SRBD1: variants seen among roughly 807,000 people sequenced by gnomAD.
SRBD1 encodes the protein S1 RNA binding domain 1, also known as S1 RNA-binding domain-containing protein 1.
A neutral mutation model predicts 115.3 loss-of-function variants in SRBD1; 88 were observed. The ratio of observed to expected loss-of-function variants is 0.76; its 90% CI spans 0.64 to 0.91. SRBD1 has a LOEUF of 0.91. SRBD1 is among the 40% of genes least tolerant of loss of function. The pLI, the probability that SRBD1 is intolerant of heterozygous loss-of-function variation, is 0.00. For missense variants in SRBD1, 1,385 were observed against 1,177.4 expected (o/e 1.18, Z -2.58); for synonymous variants, 509 against 407.7 (o/e 1.25, Z -2.99).
intron 7 of SRBD1, among the ~76,000 whole-genome samples, chr2:45,576,854 C>T (rs1480022587): frequency 6.6e-5 from 10 of 152,148 alleles, no homozygotes; most frequent in African/African-American, 2.4e-4. Context: ...AAATTATAGA[C>T]TTTGCAATAA....
intron 2 of SRBD1, among the ~76,000 whole-genome samples, chr2:45,604,197 G>A (rs1046853826): frequency 2.6e-5 from 4 of 151,784 alleles, no homozygotes; most frequent in Admixed American, 2.0e-4. Flanking sequence ...CAAGAAACCA[G>A]AATATTTTAC....
chr2:45,503,518 G>C (rs1306659708), intron 14 of SRBD1, among the ~76,000 whole-genome samples: 1 of 152,082 alleles, frequency 6.6e-6, no homozygotes, highest in East Asian at 1.9e-4. Context: ...GATTTATCTT[G>C]GCATTTTTGT....
intron 16 of SRBD1, among the ~76,000 whole-genome samples, chr2:45,443,926 C>T (rs1401183577): frequency 6.6e-6 from 1 of 151,598 alleles, no homozygotes; most frequent in African/African-American, 2.4e-5. Flanking sequence ...TCTTTAATGA[C>T]AGGTACTCCA....
At chr2:45,488,533 T>C (rs997372575) in intron 14 of SRBD1, among the ~76,000 whole-genome samples, 9 of 152,158 alleles carry the variant, frequency 5.9e-5, no homozygotes, top group African/African-American at 2.2e-4. Context: ...ACATATGAAA[T>C]ACACAGACTT....
rs188905266 is a variant in SRBD1, at chr2:45,509,884, G to A, written c.1875-21553C>T. ...TGAGTAGCTGGGATTACAGGCGTGT[G>A]CCACCATGTCCATCTAATTTTTAAA... On this transcript the variant is annotated intron_variant, in intron 14 of 20. Coordinates refer to ENST00000263736, the MANE Select transcript of SRBD1 (RefSeq NM_018079.5). Among the ~76,000 whole-genome samples, 4 of 152,176 alleles carry A rather than the reference G, an allele frequency of 2.6e-5. No individual in the cohort carries two copies. In the East Asian group the frequency reaches 7.7e-4, roughly 29 times the overall value.
At chr2:45,408,325 G>A (rs1344271731) in intron 19 of SRBD1, among the ~76,000 whole-genome samples, 1 of 152,166 alleles carries the variant, frequency 6.6e-6, no homozygotes, top group African/African-American at 2.4e-5. Flanking sequence ...AATGGGGATG[G>A]TAAGATAAAT....
chr2:45,486,467 C>T (rs1670122612), intron 15 of SRBD1, among the ~76,000 whole-genome samples: 1 of 152,110 alleles, frequency 6.6e-6, no homozygotes, highest in Non-Finnish European at 1.5e-5. Context: ...GTGGCTCACG[C>T]CTGTAATCCC....
chr2:45,509,149 C>T (rs1670885206), intron 14 of SRBD1, among the ~76,000 whole-genome samples: 1 of 152,174 alleles, frequency 6.6e-6, no homozygotes, highest in South Asian at 2.1e-4. Flanking sequence ...CAACCTACTT[C>T]TCCAAATCAT....
At chr2:45,588,557 T>C (rs936198051) in intron 4 of SRBD1, among the ~76,000 whole-genome samples, 1 of 152,198 alleles carries the variant, frequency 6.6e-6, no homozygotes, top group Non-Finnish European at 1.5e-5. Flanking sequence ...TCTCCCATAA[T>C]ACTGTGGCCA....
intron 19 of SRBD1, among the ~76,000 whole-genome samples, chr2:45,406,494 C>T (rs1489779544): frequency 6.6e-6 from 1 of 152,128 alleles, no homozygotes; most frequent in Non-Finnish European, 1.5e-5. Flanking sequence ...CATGGGTTCT[C>T]TTGCCATATT....
At chr2:45,483,721 AG>A (rs1670033310) in intron 15 of SRBD1, among the ~76,000 whole-genome samples, 1 of 152,136 alleles carries the variant, frequency 6.6e-6, no homozygotes, top group Non-Finnish European at 1.5e-5. Flanking sequence ...AGACAGGAAC[AG>A]AGGAAAATAA....
intron 12 of SRBD1, among the ~76,000 whole-genome samples, chr2:45,549,629 T>C (rs546451774): frequency 3.7e-4 from 53 of 143,502 alleles, no homozygotes; most frequent in African/African-American, 1.3e-3. Flanking sequence ...GGCAGGCACA[T>C]AGCTTGAGCT....
At chr2:45,405,205 A>G (rs1040511834) in intron 19 of SRBD1, among the ~76,000 whole-genome samples, 2 of 152,134 alleles carry the variant, frequency 1.3e-5, no homozygotes, top group Admixed American at 1.3e-4. Context: ...AGATTGCATA[A>G]CAGTACTTGG....
intron 16 of SRBD1, chr2:45,447,748 T>C (rs967631189): frequency 6.6e-6 from 1 of 152,206 alleles, no homozygotes; most frequent in Non-Finnish European, 1.5e-5. Context: ...TAGATAGTTA[T>C]TGTAGGGGTT....
At chr2:45,391,001 G>C (rs1666981527) in intron 20 of SRBD1, among the ~76,000 whole-genome samples, 1 of 152,160 alleles carries the variant, frequency 6.6e-6, no homozygotes, top group African/African-American at 2.4e-5. Context: ...CTAAGTCACT[G>C]ATCAGGGGCA....
intron 14 of SRBD1, among the ~76,000 whole-genome samples, chr2:45,498,415 C>A (rs1307997343): frequency 1.3e-5 from 2 of 152,042 alleles, no homozygotes; most frequent in African/African-American, 2.4e-5. Flanking sequence ...TTGAAAATTA[C>A]TTGATATATA....
chr2:45,445,944 C>T (rs1033852121), intron 16 of SRBD1, among the ~76,000 whole-genome samples: 2 of 152,110 alleles, frequency 1.3e-5, no homozygotes, highest in Non-Finnish European at 2.9e-5. Context: ...TAGGAACAGA[C>T]GTTTGCCTCA....
intron 14 of SRBD1, among the ~76,000 whole-genome samples, chr2:45,529,856 C>T (rs959794462): frequency 2.6e-5 from 4 of 151,972 alleles, no homozygotes; most frequent in Admixed American, 6.6e-5. Context: ...AGCATTTCTC[C>T]TTATGAAAGA....
At chr2:45,414,790 T>C (rs1298642891) in intron 18 of SRBD1, among the ~76,000 whole-genome samples, 2 of 141,786 alleles carry the variant, frequency 1.4e-5, no homozygotes, top group Admixed American at 7.0e-5. Flanking sequence ...ACACACATAG[T>C]GTGTATATAG....
Sources: gnomAD v4.1 joint callset for allele counts (sites outside exome capture counted in the v4.1 genomes callset) on GRCh38, gnomAD v4.1.1 for gene constraint, MANE v1.5 for transcripts, NCBI Gene and HGNC (gene_info 2026-07-23, HGNC 2026-07-21) for gene names.